The following USP40 variants were observed in gnomAD, a reference collection of about 807,000 sequenced individuals.
The protein encoded by USP40 is ubiquitin specific peptidase 40.
USP40 carries 143 observed loss-of-function variants against 166.2 expected under a neutral mutation model. The ratio of observed to expected loss-of-function variants is 0.86; its 90% CI spans 0.75 to 0.99. The LOEUF (loss-of-function observed/expected upper bound fraction) is 0.99, where lower values mean the gene tolerates loss of function less well. USP40 is among the 50% of genes least tolerant of loss of function. The pLI is 0.00. For missense variants in USP40, 1,444 were observed against 1,479.7 expected (o/e 0.98, Z 0.40); for synonymous variants, 498 against 524.0 (o/e 0.95, Z 0.68).
In USP40 at chr2:233,480,158, C is replaced by T. The variant is rs1429499405; in HGVS notation, c.3599+1045G>A. ...ACCTCCACCTGGGACCTCTCTTCCC[C>T]AGACGCCCCCAGTGGCAGAGGGCAT... On this transcript the variant is annotated intron_variant, in intron 31 of 31. Coordinates refer to ENST00000678225, the MANE Select transcript of USP40 (RefSeq NM_001365479.2). The surrounding 1 kb of genome is among the most constrained non-coding windows in gnomAD (Gnocchi z 4.5). Among the ~76,000 whole-genome samples the T allele has an allele frequency of 6.6e-6, 1 of 152,202 alleles. No individual in the cohort carries two copies. Among genetic ancestry groups the T allele is most frequent in the African/African-American group, 2.4e-5 (1 of 41,444 alleles).
At position 233,559,882 on chromosome 2, in the gene USP40, G is replaced by C; in HGVS notation, c.310C>G (p.Leu104Val). The change falls in exon 4 of 32, where the codon CTT becomes GTT. Residue 104 changes from leucine to valine, a missense_variant. Physicochemically the swap from Leu to Val is conservative, Grantham distance 32. Coordinates refer to ENST00000678225, the MANE Select transcript of USP40 (RefSeq NM_001365479.2). ...GCAGCTTCCTGGTCTAAGAGCAGAA[G>C]CTGAGCAAACAAGCGCTGTAACTGT... ...PLQLQRLFAQ[L>V]LLLDQEAAST... 1 of 1,610,100 alleles carries C rather than the reference G, an allele frequency of 6.2e-7. No individual in the cohort carries two copies. The highest frequency in any genetic ancestry group is 8.5e-7 in the Non-Finnish European group (1 of 1,178,256).
At chr2:233,519,468 T>C in intron 18 of USP40, 146 bp downstream of exon 18, 1 of 568,142 alleles carries the variant, frequency 1.8e-6, no homozygotes, top group South Asian at 1.9e-5. Flanking sequence ...AAAACAAACA[T>C]ATGACAAAAT....
intron 26 of USP40, 159 bp downstream of exon 26, chr2:233,491,008 C>A: frequency 1.4e-6 from 1 of 723,578 alleles, no homozygotes; most frequent in East Asian, 2.7e-5. Flanking sequence ...GCACCATGGG[C>A]GTGTATTGCC....
intron 21 of USP40, among the ~76,000 whole-genome samples, chr2:233,506,869 C>T (rs2066454943): frequency 6.6e-6 from 1 of 151,608 alleles, no homozygotes; most frequent in African/African-American, 2.4e-5. Flanking sequence ...TGAGATCACC[C>T]CACTGCATGC....
chr2:233,552,387 A>G (rs2070658840), intron 6 of USP40, among the ~76,000 whole-genome samples: 1 of 152,240 alleles, frequency 6.6e-6, no homozygotes, highest in Non-Finnish European at 1.5e-5. Flanking sequence ...ACAGCCAAAC[A>G]TAAACTTAGA....
intron 3 of USP40, among the ~76,000 whole-genome samples, chr2:233,562,116 T>C (rs1459514414): frequency 1.4e-5 from 2 of 147,928 alleles, no homozygotes; most frequent in Admixed American, 6.8e-5. Context: ...TTTTACACTG[T>C]TGGTGGGACT....
intron 24 of USP40, among the ~76,000 whole-genome samples, chr2:233,496,150 A>C (rs1318589164): frequency 1.3e-5 from 2 of 152,230 alleles, no homozygotes; most frequent in African/African-American, 2.4e-5. Flanking sequence ...TCTAATCATA[A>C]GCAAACAGTT....
Position 233,523,390 on chromosome 2 carries a change from C to A in USP40, c.1981G>T (p.Val661Leu). 1.2e-6 allele frequency: 2 copies of A among 1,613,980 alleles called. No individual in the cohort carries two copies. The highest frequency in any genetic ancestry group is 1.6e-4 in the Middle Eastern group (1 of 6,062). The change falls in exon 16 of 32, where the codon GTG becomes TTG. Residue 661 changes from valine to leucine, a missense_variant. Coordinates refer to ENST00000678225, the MANE Select transcript of USP40 (RefSeq NM_001365479.2). ...TSSDGEKCCQ[V>L]IESPHVFPAN... The stretch of plus-strand genomic sequence containing the variant: ...GGAAAGACATGTGGAGATTCTATCA[C>A]CTGACAACACTTTTCTCCATCACTG...
chr2:233,493,571 T>C lies in USP40; in HGVS notation c.2791-20A>G, dbSNP rs769052135. 6.3e-7 allele frequency: 1 copy of C among 1,597,804 alleles called. No homozygotes were observed. The highest frequency in any genetic ancestry group is 8.5e-7 in the Non-Finnish European group (1 of 1,171,150). On this transcript the variant is annotated intron_variant, in intron 24 of 31. Transcript: ENST00000678225. The surrounding 1 kb of genome is among the most constrained non-coding windows in gnomAD (Gnocchi z 4.7). ...GAAACCCTGAAGAATGGAGCATGTTTAACTGCTGTGATTACAAAGATTAAG... is the reference window on the plus strand; with the variant it reads ...GAAACCCTGAAGAATGGAGCATGTTCAACTGCTGTGATTACAAAGATTAAG...
intron 16 of USP40, among the ~76,000 whole-genome samples, chr2:233,522,177 G>A (rs536851925): frequency 6.6e-6 from 1 of 152,212 alleles, no homozygotes; most frequent in South Asian, 2.1e-4. Flanking sequence ...ATGGAAAGCA[G>A]GATACAACTA....
intron 6 of USP40, among the ~76,000 whole-genome samples, chr2:233,552,917 G>A (rs2070713337): frequency 6.6e-6 from 1 of 152,154 alleles, no homozygotes; most frequent in African/African-American, 2.4e-5. Context: ...TGTCTCTTGT[G>A]GTAGCTGTTT....
chr2:233,531,350 T>C (rs2068511078), intron 11 of USP40, among the ~76,000 whole-genome samples: 1 of 152,206 alleles, frequency 6.6e-6, no homozygotes, highest in Non-Finnish European at 1.5e-5. Flanking sequence ...TTTCTCCAGG[T>C]GAATTTTAGA....
chr2:233,503,189 T>C (rs1445493786), intron 21 of USP40, among the ~76,000 whole-genome samples: 1 of 152,140 alleles, frequency 6.6e-6, no homozygotes, highest in African/African-American at 2.4e-5. Context: ...ATTTCTGAAC[T>C]TGAAGACAGG....
Position 233,496,801 on chromosome 2 carries a change from G to A in USP40, c.2747C>T (p.Ser916Phe), listed in dbSNP as rs779546630. ...DATLKELLIC[S>F]GDTLLLIEGQ... is the part of the protein sequence containing the mutation. The stretch of plus-strand genomic sequence containing the variant: ...TTCAATTAAAAGCAAAGTATCTCCA[G>A]AACATATCAGAAGTTCTTTCAGTGT... The change falls in exon 24 of 32, where the codon TCT (serine) becomes TTT (phenylalanine). Residue 916 changes from serine (S) to phenylalanine (F), a missense_variant. Physicochemically the swap from Ser to Phe is radical, Grantham distance 155 (BLOSUM62 -2). Coordinates refer to ENST00000678225, the MANE Select transcript of USP40 (RefSeq NM_001365479.2). 1.9e-6 allele frequency: 3 copies of A among 1,612,396 alleles called. No homozygotes were observed. Among genetic ancestry groups the A allele is most frequent in the Non-Finnish European group, 2.5e-6 (3 of 1,179,388 alleles).
At chr2:233,557,414 G>A (rs1013671980) in intron 4 of USP40, among the ~76,000 whole-genome samples, 5 of 152,280 alleles carry the variant, frequency 3.3e-5, no homozygotes, top group Middle Eastern at 3.4e-3. Context: ...TGAATAGTCC[G>A]AATTATCAAC....
intron 24 of USP40, among the ~76,000 whole-genome samples, chr2:233,495,290 G>C (rs1452602055): frequency 2.0e-5 from 3 of 151,664 alleles, no homozygotes; most frequent in Non-Finnish European, 4.4e-5. Flanking sequence ...TATATGCTAT[G>C]TATATACACA....
At chr2:233,478,187 G>A (rs570902759) in intron 31 of USP40, among the ~76,000 whole-genome samples, 1 of 152,340 alleles carries the variant, frequency 6.6e-6, no homozygotes, top group South Asian at 2.1e-4. Context: ...TGGTAGGCAC[G>A]CGTCCATGTT....
intron 17 of USP40, among the ~76,000 whole-genome samples, chr2:233,519,965 A>T (rs2067542024): frequency 6.6e-6 from 1 of 152,166 alleles, no homozygotes; most frequent in Non-Finnish European, 1.5e-5. Context: ...AACTAGCTGA[A>T]AGGCAATAAG....
chr2:233,506,136 G>A (rs2066402996), intron 21 of USP40, among the ~76,000 whole-genome samples: 1 of 152,110 alleles, frequency 6.6e-6, no homozygotes, highest in South Asian at 2.1e-4. Flanking sequence ...CAGGGTACTG[G>A]CAAAAAGTCT....
Sources: allele counts gnomAD v4.1 joint callset (sites outside exome capture counted in the v4.1 genomes callset), GRCh38; gene constraint gnomAD v4.1.1; non-coding constraint Gnocchi (gnomAD v3.1); transcripts MANE v1.5; gene names NCBI Gene and HGNC (gene_info 2026-07-23, HGNC 2026-07-21).